The following DLGAP2 variants were observed in gnomAD, a reference collection of about 807,000 sequenced individuals.
The protein encoded by DLGAP2 is disks large-associated protein 2.
Under a neutral mutation model 100.3 loss-of-function variants are expected in DLGAP2, and 26 were observed. That is an observed-to-expected ratio of 0.26 (90% CI 0.19 to 0.36). The LOEUF is 0.36. Among genes scored for constraint, DLGAP2 ranks in the 10% least tolerant of loss-of-function variants. The pLI, the probability that DLGAP2 is intolerant of heterozygous loss-of-function variation, is 1.00. For missense variants in DLGAP2, 1,858 were observed against 1,453.2 expected, an observed-to-expected ratio of 1.28 and a Z score of -4.53; for synonymous variants, 886 against 630.1, an observed-to-expected ratio of 1.41 and a Z score of -6.08.
chr8:1,593,677 C>G (rs1028299021), intron 6 of DLGAP2, among the ~76,000 whole-genome samples: 4 of 144,832 alleles, frequency 2.8e-5, no homozygotes, highest in African/African-American at 9.9e-5. Flanking sequence ...ATCCAGCACC[C>G]CAACTTTTCC....
intron 3 of DLGAP2, among the ~76,000 whole-genome samples, chr8:1,313,245 G>C (rs1441330059): frequency 1.3e-5 from 2 of 152,220 alleles, no homozygotes; most frequent in African/African-American, 4.8e-5. Context: ...TCAGTCATGA[G>C]TACCTGGAAT....
chr8:1,213,981 G>A (rs1383004747), intron 2 of DLGAP2, among the ~76,000 whole-genome samples: 5 of 151,780 alleles, frequency 3.3e-5, no homozygotes, highest in Non-Finnish European at 7.4e-5. Flanking sequence ...TTCAGAGGCC[G>A]CCTCTGCCCT....
intron 2 of DLGAP2, among the ~76,000 whole-genome samples, chr8:1,011,503 G>C (rs958023522): frequency 6.7e-6 from 1 of 149,440 alleles, no homozygotes; most frequent in African/African-American, 2.5e-5. Flanking sequence ...GGAATGAGGG[G>C]TCTCAGTCTG....
chr8:829,819 G>A (rs1425237244), intron 1 of DLGAP2, among the ~76,000 whole-genome samples: 2 of 152,170 alleles, frequency 1.3e-5, no homozygotes, highest in African/African-American at 4.8e-5. Context: ...AATAACTGCA[G>A]TATATTATGG....
At chr8:1,690,474 ATGGG>A (rs1343954046) in intron 12 of DLGAP2, among the ~76,000 whole-genome samples, 2 of 151,254 alleles carry the variant, frequency 1.3e-5, no homozygotes, top group Admixed American at 6.6e-5. Context: ...GGAGGCTGAG[ATGGG>A]TGGATCACCT....
At chr8:1,197,862 C>T (rs546741795) in intron 2 of DLGAP2, among the ~76,000 whole-genome samples, 3 of 152,280 alleles carry the variant, frequency 2.0e-5, no homozygotes, top group East Asian at 1.9e-4. Context: ...TCAGGTTTCT[C>T]GTCTCCTGGG....
chr8:1,271,833 GAGAC>G (rs1353665803), intron 3 of DLGAP2, among the ~76,000 whole-genome samples: 2 of 152,272 alleles, frequency 1.3e-5, no homozygotes, highest in East Asian at 3.9e-4. Flanking sequence ...TATTTTTTAA[GAGAC>G]AGACTCTTGT....
intron 2 of DLGAP2, among the ~76,000 whole-genome samples, chr8:1,084,571 A>G (rs754293310): frequency 6.6e-6 from 1 of 151,936 alleles, no homozygotes; most frequent in Non-Finnish European, 1.5e-5. Context: ...CCTTCTCCTC[A>G]CTGCTTCTGT....
intron 3 of DLGAP2, among the ~76,000 whole-genome samples, chr8:1,388,079 G>A (rs557615738): frequency 2.6e-5 from 4 of 152,178 alleles, no homozygotes; most frequent in African/African-American, 4.8e-5. Context: ...GTCTCACAGC[G>A]TCAGGGCTGT....
At chr8:1,689,330 C>T (rs752560716) in intron 12 of DLGAP2, among the ~76,000 whole-genome samples, 1 of 152,156 alleles carries the variant, frequency 6.6e-6, no homozygotes, top group Non-Finnish European at 1.5e-5. Flanking sequence ...CTGCAAGGCC[C>T]CTTGAGCTCC....
In DLGAP2 at chr8:1,368,427, G is replaced by A. The variant is rs1802161302; in HGVS notation, c.106+109544G>A. ...TGTGTGCATGTATGTATGTGTGCAAGTTGTGTGGCCACACGGGGAGCTGTG... is the reference window on the plus strand; with the variant it reads ...TGTGTGCATGTATGTATGTGTGCAAATTGTGTGGCCACACGGGGAGCTGTG... On this transcript the variant is annotated intron_variant, in intron 3 of 14. Coordinates refer to ENST00000637795, the MANE Select transcript of DLGAP2 (RefSeq NM_001346810.2). 2.0e-5 allele frequency among the ~76,000 whole-genome samples: 3 copies of A among 152,158 alleles called. No homozygotes were observed. In the South Asian group the frequency reaches 6.2e-4, roughly 32 times the overall value.
chr8:831,385 G>A (rs1796780205), intron 1 of DLGAP2, among the ~76,000 whole-genome samples: 1 of 151,984 alleles, frequency 6.6e-6, no homozygotes, highest in African/African-American at 2.4e-5. Flanking sequence ...CCCGCAACAG[G>A]CCCCAGTGTG....
At chr8:1,693,968 G>T (rs1449611100) in intron 13 of DLGAP2, among the ~76,000 whole-genome samples, 1 of 152,130 alleles carries the variant, frequency 6.6e-6, no homozygotes, top group African/African-American at 2.4e-5. Flanking sequence ...GCAGACTCGG[G>T]TGAGCCTAGG....
intron 3 of DLGAP2, among the ~76,000 whole-genome samples, chr8:1,262,192 G>C (rs1412862737): frequency 2.0e-5 from 3 of 152,208 alleles, no homozygotes; most frequent in African/African-American, 7.2e-5. Context: ...GGATGCTGGA[G>C]ACCTCAGAAT....
At chr8:1,104,226 G>A (rs1804680035) in intron 2 of DLGAP2, among the ~76,000 whole-genome samples, 1 of 152,132 alleles carries the variant, frequency 6.6e-6, no homozygotes, top group South Asian at 2.1e-4. Flanking sequence ...AGACAAGGTG[G>A]CTGGAGAGGG....
chr8:1,502,019 A>T (rs1168708706), intron 4 of DLGAP2, among the ~76,000 whole-genome samples: 1 of 152,238 alleles, frequency 6.6e-6, no homozygotes, highest in Non-Finnish European at 1.5e-5. Flanking sequence ...CTATGCTTAC[A>T]AGAACAAGGC....
intron 2 of DLGAP2, among the ~76,000 whole-genome samples, chr8:1,216,840 G>A (rs1175251989): frequency 1.3e-5 from 2 of 152,080 alleles, no homozygotes; most frequent in African/African-American, 2.4e-5. Flanking sequence ...GTTCTTTTCT[G>A]TCTTAGTTGG....
Position 1,656,658 on chromosome 8 carries a change from A to G in DLGAP2, c.1811-11671A>G, listed in dbSNP as rs182191761. 1.7e-3 allele frequency among the ~76,000 whole-genome samples: 266 copies of G among 152,238 alleles called. 2 individuals carry two copies. Among genetic ancestry groups the G allele is most frequent in the Non-Finnish European group, 3.4e-4 (23 of 68,012 alleles). ...ATTTATTCAGCTCTAACAGGGAGGGACCCATCCACCTGAATACATTTCCTT... is the reference window on the plus strand; with the variant it reads ...ATTTATTCAGCTCTAACAGGGAGGGGCCCATCCACCTGAATACATTTCCTT... On this transcript the variant is annotated intron_variant, in intron 8 of 14. Transcript: ENST00000637795.
At chr8:1,671,535 T>C (rs10109647) in intron 10 of DLGAP2, among the ~76,000 whole-genome samples, 151,598 of 152,328 alleles carry the variant, frequency 1, 75,438 homozygotes, top group East Asian at 1. Context: ...TGTCCCGGGG[T>C]GGGGGGTCCT....
Sources: allele counts gnomAD v4.1 joint callset (sites outside exome capture counted in the v4.1 genomes callset), GRCh38; gene constraint gnomAD v4.1.1; transcripts MANE v1.5; gene names NCBI Gene and HGNC (gene_info 2026-07-23, HGNC 2026-07-21).